Variants in CFAP47 observed in about 807,000 individuals in gnomAD.
The protein encoded by CFAP47 is cilia and flagella associated protein 47, also known as cilia- and flagella-associated protein 47.
A neutral mutation model predicts 148.1 loss-of-function variants in CFAP47; 29 were observed. The observed-to-expected ratio is 0.20, with a 90% CI of 0.15 to 0.27. The LOEUF is 0.27. Among genes scored for constraint, CFAP47 ranks in the 10% least tolerant of loss-of-function variants. CFAP47 has a pLI of 1.00. For missense variants in CFAP47, 1,872 were observed against 1,697.5 expected, an observed-to-expected ratio of 1.10 and a Z score of -1.81; for synonymous variants, 664 against 577.3, an observed-to-expected ratio of 1.15 and a Z score of -2.15.
intron 36 of CFAP47, among the ~76,000 whole-genome samples, chrX:36,147,547 A>T (rs1939252642): frequency 8.9e-6 from 1 of 112,711 alleles, no homozygotes; most frequent in African/African-American, 3.2e-5. Flanking sequence ...TGAAATGCAT[A>T]CATTTGTATG....
At chrX:36,186,504 A>G (rs1439114130) in intron 40 of CFAP47, among the ~76,000 whole-genome samples, 2 of 112,157 alleles carry the variant, frequency 1.8e-5, no homozygotes, top group African/African-American at 6.5e-5. Context: ...TGCATGTGGC[A>G]TTCAAAGGGC....
chrX:36,054,229 C>T (rs1937536458), intron 26 of CFAP47, among the ~76,000 whole-genome samples: 1 of 111,971 alleles, frequency 8.9e-6, no homozygotes, highest in Non-Finnish European at 1.9e-5. Flanking sequence ...TGTGGCTACC[C>T]AGTTTCTCAC....
chrX:35,975,706 G>A lies in CFAP47; in HGVS notation c.2506G>A (p.Gly836Arg). 8.3e-7 allele frequency: 1 copy of A among 1,209,229 alleles called. No homozygotes were observed. The change falls in exon 15 of 64, where the codon GGA becomes AGA. Residue 836 changes from glycine to arginine, a missense_variant. By Grantham distance (125) the Gly-to-Arg change is moderately radical. Coordinates refer to ENST00000378653, the MANE Select transcript of CFAP47 (RefSeq NM_001304548.2). The part of the protein sequence containing the change: ...FTFTVNNVPS[G>R]HILVVAVVQP... ...CTTTACAGTGAACAATGTACCCAGTGGACACATCCTAGTGGTGGCAGTTGT... is the reference window on the plus strand; with the variant it reads ...CTTTACAGTGAACAATGTACCCAGTAGACACATCCTAGTGGTGGCAGTTGT...
intron 25 of CFAP47, 93 bp from the exon 26 acceptor site, chrX:36,046,761 T>A: frequency 1.9e-6 from 1 of 521,810 alleles, no homozygotes. Context: ...TTATTTTAAT[T>A]TTCTTGAGGA....
intron 56 of CFAP47, among the ~76,000 whole-genome samples, chrX:36,315,256 A>G (rs1310552571): frequency 1.8e-5 from 2 of 112,153 alleles, no homozygotes; most frequent in Non-Finnish European, 1.9e-5. Context: ...TGGAGAAGAA[A>G]TTGAGCACCT....
At chrX:36,300,786 T>C (rs782603653) in intron 52 of CFAP47, among the ~76,000 whole-genome samples, 2 of 112,525 alleles carry the variant, frequency 1.8e-5, no homozygotes, top group Non-Finnish European at 3.8e-5. Flanking sequence ...TTCTGCAAGA[T>C]ATTTAAAATA....
intron 33 of CFAP47, among the ~76,000 whole-genome samples, chrX:36,120,027 G>A (rs1210281247): frequency 6.8e-5 from 7 of 102,841 alleles, no homozygotes; most frequent in African/African-American, 2.2e-4. Context: ...ATGGAATCTC[G>A]CTCTGTTGCC....
rs1941387641 is a variant in CFAP47, at chrX:36,310,819, T to C, written c.8188-14T>C. On this transcript the variant is annotated splice_polypyrimidine_tract_variant and intron_variant, in intron 55 of 63. Transcript: ENST00000378653. Reference sequence around the variant, plus strand: ...GTTAGGACACATAAGTTACGAATACTTATCTTCAAACAGTTTACAGAATGG... The same window carrying C: ...GTTAGGACACATAAGTTACGAATACCTATCTTCAAACAGTTTACAGAATGG... 3 of 1,123,629 alleles carry C rather than the reference T, an allele frequency of 2.7e-6. No homozygotes were observed. The highest frequency in any genetic ancestry group is 1.8e-5 in the African/African-American group (1 of 54,841). The allele number at this position is 1,123,629 out of a possible 1,213,427, so 92.6% of individuals were successfully genotyped here.
intron 21 of CFAP47, among the ~76,000 whole-genome samples, chrX:36,008,188 G>C (rs986252856): frequency 3.6e-5 from 4 of 111,311 alleles, no homozygotes; most frequent in South Asian, 7.7e-4. Context: ...CAAAATTGGA[G>C]CATCCTGTGA....
intron 57 of CFAP47, among the ~76,000 whole-genome samples, chrX:36,340,561 C>T (rs933379317): frequency 1.8e-5 from 2 of 111,549 alleles, no homozygotes; most frequent in African/African-American, 3.3e-5. Context: ...CCCAGTGTCT[C>T]TCTGTGTTCA....
chrX:36,361,320 A>T lies in CFAP47; in HGVS notation c.8852-10A>T, dbSNP rs1602126139. 6.9e-6 allele frequency: 7 copies of T among 1,008,406 alleles called. No individual in the cohort carries two copies. In the East Asian group the frequency reaches 2.4e-4, roughly 34 times the overall value. The allele number at this position is 1,008,406 out of a possible 1,213,427, so 83.1% of individuals were successfully genotyped here. A position where few individuals can be genotyped will look rare whatever the true frequency, so the allele number is the denominator to read the frequency against. ...TAAATTGAAATATATTTTCATCTTG[A>T]CTTTCCTAGAAATTCCTAAAATACA... On this transcript the variant is annotated splice_polypyrimidine_tract_variant and intron_variant, in intron 60 of 63. Coordinates refer to ENST00000378653, the MANE Select transcript of CFAP47 (RefSeq NM_001304548.2).
chrX:36,121,275 TC>T (rs757982852), intron 33 of CFAP47, among the ~76,000 whole-genome samples: 10 of 111,321 alleles, frequency 9.0e-5, no homozygotes, highest in Non-Finnish European at 5.7e-5. Flanking sequence ...TGTGTTTTTT[TC>T]ATCATCAAAT....
At chrX:36,364,340 A>G (rs1435237766) in intron 61 of CFAP47, among the ~76,000 whole-genome samples, 1 of 110,397 alleles carries the variant, frequency 9.1e-6, no homozygotes, top group Non-Finnish European at 1.9e-5. Flanking sequence ...CATCTACAAA[A>G]GAGACAAAAT....
intron 3 of CFAP47, among the ~76,000 whole-genome samples, chrX:35,947,943 A>G (rs185533885): frequency 2.7e-5 from 3 of 111,763 alleles, no homozygotes; most frequent in Non-Finnish European, 3.8e-5. Flanking sequence ...GGGTGACCTC[A>G]GATATTGGAC....
Position 35,926,119 on chromosome X carries a change from C to T in CFAP47, c.352C>T (p.Arg118Trp), listed in dbSNP as rs368440669. The change falls in exon 2 of 64, where the codon CGG (arginine) becomes TGG (tryptophan). Residue 118 changes from arginine to tryptophan, a missense_variant. By Grantham distance (101) the Arg-to-Trp change is moderately radical. Coordinates refer to ENST00000378653, the MANE Select transcript of CFAP47 (RefSeq NM_001304548.2). ...HPDKDEDTFD[R>W]LLISIENKTT... The stretch of plus-strand genomic sequence containing the variant: ...TGATAAAGACGAAGACACTTTTGAC[C>T]GGCTACTTATTTCAATAGAAAATAA... The T allele has an allele frequency of 1.2e-4, 140 of 1,203,272 alleles. 1 individual carries two copies. In the East Asian group the frequency reaches 1.8e-3, roughly 15 times the overall value.
At chrX:36,300,603 T>G (rs1479676949) in intron 52 of CFAP47, among the ~76,000 whole-genome samples, 2 of 111,991 alleles carry the variant, frequency 1.8e-5, no homozygotes, top group Admixed American at 9.5e-5. Flanking sequence ...GTTATACTTG[T>G]TTAGACTGTC....
At chrX:36,229,032 C>T (rs1602056356) in intron 46 of CFAP47, among the ~76,000 whole-genome samples, 1 of 111,319 alleles carries the variant, frequency 9.0e-6, no homozygotes, top group African/African-American at 3.3e-5. Context: ...TGGCTCTTTG[C>T]TTAAAACAAT....
chrX:36,157,542 T>C (rs1939382863), intron 37 of CFAP47, among the ~76,000 whole-genome samples: 1 of 111,792 alleles, frequency 8.9e-6, no homozygotes. Flanking sequence ...TCACTTTCTC[T>C]GACCTTTCAG....
rs1316153703 is a variant in CFAP47, at chrX:36,277,979, CA to C, written c.7445-2507del. On this transcript the variant is annotated intron_variant, in intron 49 of 63. Coordinates refer to ENST00000378653, the MANE Select transcript of CFAP47 (RefSeq NM_001304548.2). ...TGGAAGCTTTGTCCCAAATGGGCAC[CA>C]GCCTGTATGAGGTGTCAATCGGCCC... is the stretch of plus-strand genomic sequence containing the variant. 4.5e-5 allele frequency among the ~76,000 whole-genome samples: 5 copies of C among 111,463 alleles called. No individual in the cohort carries two copies. In the East Asian group the frequency reaches 1.4e-3, roughly 32 times the overall value.
Sources: gnomAD v4.1 joint callset for allele counts (sites outside exome capture counted in the v4.1 genomes callset) on GRCh38, gnomAD v4.1.1 for gene constraint, MANE v1.5 for transcripts, NCBI Gene and HGNC (gene_info 2026-07-23, HGNC 2026-07-21) for gene names.